ATCAY: variants seen among roughly 807,000 people sequenced by gnomAD.
ATCAY encodes caytaxin.
ATCAY carries 22 observed loss-of-function variants against 47.7 expected under a neutral mutation model. The observed-to-expected ratio is 0.46, with a 90% CI of 0.33 to 0.66. The LOEUF is 0.66. ATCAY is among the 30% of genes least tolerant of loss of function. ATCAY has a pLI of 0.02. For synonymous variants in ATCAY, 216 were observed against 207.6 expected, an observed-to-expected ratio of 1.04 and a Z score of -0.35; for missense variants, 452 against 515.0, an observed-to-expected ratio of 0.88 and a Z score of 1.18.
rs925490564 is a variant in ATCAY, at chr19:3,926,013, A to C, written c.*1421A>C. 2 of 151,984 alleles carry C rather than the reference A, an allele frequency of 1.3e-5. No individual in the cohort carries two copies. The highest frequency in any genetic ancestry group is 4.8e-5 in the African/African-American group (2 of 41,306). 9.4% of individuals were successfully genotyped at this position (151,984 alleles called of 1,614,324 possible). A position where few individuals can be genotyped will look rare whatever the true frequency, so the allele number is the denominator to read the frequency against. ...CAGAGCAAGACTCTGTCTCAAAAAA[A>C]ATAAAAAATAATCAGGGCACAGTGG... On this transcript the variant is annotated 3_prime_UTR_variant, in exon 13 of 13. Coordinates refer to ENST00000450849, the MANE Select transcript of ATCAY (RefSeq NM_033064.5).
chr19:3,926,387 T>G lies in ATCAY; in HGVS notation c.*1795T>G, dbSNP rs886894713. 6.6e-6 allele frequency: 1 copy of G among 152,260 alleles called. No individual in the cohort carries two copies. The highest frequency in any genetic ancestry group is 1.5e-5 in the Non-Finnish European group (1 of 68,076). The allele number at this position is 152,260 out of a possible 1,614,324, so 9.4% of individuals were successfully genotyped here. A position where few individuals can be genotyped will look rare whatever the true frequency, so the allele number is the denominator to read the frequency against. ...TTCCCTCTAATCCTAAATGTCTTCA[T>G]GTCTATCAGTCTGAGCAGACGGTGA... On this transcript the variant is annotated 3_prime_UTR_variant, in exon 13 of 13. Transcript: ENST00000450849.
chr19:3,894,114 A>G (rs1205176350), intron 2 of ATCAY, among the ~76,000 whole-genome samples: 1 of 152,118 alleles, frequency 6.6e-6, no homozygotes, highest in Non-Finnish European at 1.5e-5. Context: ...GCACTCTGGG[A>G]GGCCAAGGCG....
intron 12 of ATCAY, among the ~76,000 whole-genome samples, chr19:3,921,835 T>C (rs1385828184): frequency 6.6e-6 from 1 of 151,354 alleles, no homozygotes; most frequent in Non-Finnish European, 1.5e-5. Flanking sequence ...AGGCGGAGGT[T>C]GCAGTGAGCT....
intron 12 of ATCAY, among the ~76,000 whole-genome samples, chr19:3,923,608 A>G (rs76166434): frequency 0.03 from 4,401 of 148,712 alleles, 224 homozygotes; most frequent in African/African-American, 0.1. Context: ...TGGATGGATG[A>G]GTGGATGAAT....
At chr19:3,892,043 C>T (rs2038723008) in intron 2 of ATCAY, among the ~76,000 whole-genome samples, 1 of 152,034 alleles carries the variant, frequency 6.6e-6, no homozygotes, top group Admixed American at 6.6e-5. Flanking sequence ...GCGCCCACCA[C>T]CACGCCCAGC....
At chr19:3,903,982 C>CAAAAAAAAAAAA (rs59631453) in intron 3 of ATCAY, among the ~76,000 whole-genome samples, 4 of 79,028 alleles carry the variant, frequency 5.1e-5, no homozygotes, top group African/African-American at 1.5e-4. Flanking sequence ...ACTAAAGATA[C>CAAAAAAAAAAAA]AAAAAAAAAA....
At chr19:3,918,000 A>T (rs1257838446) in intron 10 of ATCAY, among the ~76,000 whole-genome samples, 1 of 152,140 alleles carries the variant, frequency 6.6e-6, no homozygotes, top group African/African-American at 2.4e-5. Flanking sequence ...AAAAGCTAAC[A>T]ACCACCTTGG....
intron 10 of ATCAY, among the ~76,000 whole-genome samples, chr19:3,918,369 A>G (rs2038984077): frequency 7.0e-6 from 1 of 142,246 alleles, no homozygotes; most frequent in Non-Finnish European, 1.5e-5. Context: ...TGGGTGACAG[A>G]GCAAGACTCT....
intron 1 of ATCAY, among the ~76,000 whole-genome samples, chr19:3,883,524 T>C (rs1003317647): frequency 6.6e-6 from 1 of 152,196 alleles, no homozygotes; most frequent in Non-Finnish European, 1.5e-5. Context: ...ACAAGGTTTC[T>C]CCACCTTGGA....
intron 2 of ATCAY, among the ~76,000 whole-genome samples, chr19:3,896,006 CATGCTGGGCT>C (rs2038766574): frequency 6.6e-6 from 1 of 152,042 alleles, no homozygotes; most frequent in Non-Finnish European, 1.5e-5. Flanking sequence ...CATGAGCCAT[CATGCTGGGCT>C]AATTTTTAAA....
chr19:3,886,367 C>A (rs1444958433), intron 2 of ATCAY, among the ~76,000 whole-genome samples: 1 of 151,984 alleles, frequency 6.6e-6, no homozygotes, highest in Non-Finnish European at 1.5e-5. Context: ...CCGAGGCGGG[C>A]GGATCATGAG....
At chr19:3,919,598 A>G (rs932987958) in intron 11 of ATCAY, among the ~76,000 whole-genome samples, 2 of 151,864 alleles carry the variant, frequency 1.3e-5, no homozygotes, top group African/African-American at 2.4e-5. Flanking sequence ...CTCAAAAATA[A>G]ATAAATAAAT....
chr19:3,924,878 A>C lies in ATCAY; in HGVS notation c.*286A>C. On this transcript the variant is annotated 3_prime_UTR_variant, in exon 13 of 13. Transcript: ENST00000450849. ...GAACTCTCAGCCGAGGAAGGCAAGA[A>C]GCGCAGGGGGTGGCCCGCGTGGCGT... 1 of 436,982 alleles carries C rather than the reference A, an allele frequency of 2.3e-6. No individual in the cohort carries two copies. Among genetic ancestry groups the C allele is most frequent in the Non-Finnish European group, 4.1e-6 (1 of 241,492 alleles). 27.1% of individuals were successfully genotyped at this position (436,982 alleles called of 1,614,324 possible). A position where few individuals can be genotyped will look rare whatever the true frequency, so the allele number is the denominator to read the frequency against.
chr19:3,891,614 G>A (rs368365351), intron 2 of ATCAY, among the ~76,000 whole-genome samples: 2 of 151,646 alleles, frequency 1.3e-5, no homozygotes, highest in African/African-American at 4.8e-5. Flanking sequence ...GGAAGGAAGT[G>A]GGGTGTAGGG....
chr19:3,885,739 C>A lies in ATCAY; in HGVS notation c.-29C>A, dbSNP rs2038644874. The stretch of plus-strand genomic sequence containing the variant: ...GGCTTCCTTTCAGGGGTCATCCCTG[C>A]TTCAAGCCAGTGCCTCTTCCCAGCT... On this transcript the variant is annotated 5_prime_UTR_variant, in exon 2 of 13. Transcript: ENST00000450849. 4.5e-6 allele frequency: 7 copies of A among 1,547,640 alleles called. No individual in the cohort carries two copies. Among genetic ancestry groups the A allele is most frequent in the Non-Finnish European group, 6.1e-6 (7 of 1,144,346 alleles).
rs1445883816 is a variant in ATCAY, at chr19:3,907,859, C to G, written c.484C>G (p.Gln162Glu). 1.2e-6 allele frequency: 2 copies of G among 1,613,850 alleles called. No individual in the cohort carries two copies. The change falls in exon 5 of 13, where the codon CAA (glutamine) becomes GAA (glutamate). Residue 162 changes from glutamine to glutamate, a missense_variant. Gln to Glu is a conservative substitution (Grantham distance 29, BLOSUM62 2). Coordinates refer to ENST00000450849, the MANE Select transcript of ATCAY (RefSeq NM_033064.5). This position sits in a 1 kb window ranked among gnomAD's most constrained non-coding sequence, Gnocchi z 5.1. Reference sequence around the variant, plus strand: ...GTGGCGGACAGTGATCATCGGGGAGCAAGAGCACCGTATAGACCTGCACAT... The same window carrying G: ...GTGGCGGACAGTGATCATCGGGGAGGAAGAGCACCGTATAGACCTGCACAT... ...RLWRTVIIGE[Q>E]EHRIDLHMIR...
Position 3,905,505 on chromosome 19 carries a change from A to G in ATCAY, c.208A>G (p.Ile70Val), listed in dbSNP as rs2038852026. 1 of 1,613,918 alleles carries G rather than the reference A, an allele frequency of 6.2e-7. No individual in the cohort carries two copies. The highest frequency in any genetic ancestry group is 8.5e-7 in the Non-Finnish European group (1 of 1,179,854). The change falls in exon 4 of 13, where the codon ATT becomes GTT. Residue 70 changes from isoleucine (I) to valine (V), a missense_variant. Ile to Val is a conservative substitution (Grantham distance 29). Transcript: ENST00000450849. ...GACGCTGGTGGCCCCAGAGATCAAC[A>G]TTTCTCTGGATCAGAGTGAGGGGTC... ...RKTLVAPEIN[I>V]SLDQSEGSLL... is the part of the protein sequence containing the mutation.
At chr19:3,919,592 AAAAT>A (rs968226610) in intron 11 of ATCAY, among the ~76,000 whole-genome samples, 5 of 151,896 alleles carry the variant, frequency 3.3e-5, no homozygotes, top group Non-Finnish European at 5.9e-5. Flanking sequence ...TTCTGTCTCA[AAAAT>A]AAATAAATAA....
chr19:3,885,606 G>A lies in ATCAY; in HGVS notation c.-41-121G>A. 3 of 593,096 alleles carry A rather than the reference G, an allele frequency of 5.1e-6. No individual in the cohort carries two copies. The South Asian group carries it at 5.9e-5, about 12-fold the overall frequency. The allele number at this position is 593,096 out of a possible 1,614,324, so 36.7% of individuals were successfully genotyped here. ...GAGAGGAGAGGAGAAAGGAGAGAGGGGGAGGGGAAGGGGGAGGGGGAGACG... is the reference window on the plus strand; with the variant it reads ...GAGAGGAGAGGAGAAAGGAGAGAGGAGGAGGGGAAGGGGGAGGGGGAGACG... On this transcript the variant is annotated intron_variant, in intron 1 of 12. Transcript: ENST00000450849.
Sources: allele counts gnomAD v4.1 joint callset (sites outside exome capture counted in the v4.1 genomes callset), GRCh38; gene constraint gnomAD v4.1.1; non-coding constraint Gnocchi (gnomAD v3.1); transcripts MANE v1.5; gene names NCBI Gene and HGNC (gene_info 2026-07-23, HGNC 2026-07-21).